Variants in FRAS1 observed in about 807,000 individuals in gnomAD.
FRAS1 encodes Fraser extracellular matrix complex subunit 1.
In FRAS1, 290 loss-of-function variants were observed where a neutral mutation model predicts 435.2. The observed-to-expected ratio is 0.67, with a 90% confidence interval of 0.61 to 0.73. The LOEUF (loss-of-function observed/expected upper bound fraction) is 0.73, where lower values mean the gene tolerates loss of function less well. FRAS1 is among the 30% of genes least tolerant of loss of function. FRAS1 has a pLI of 0.00. For synonymous variants in FRAS1, 1,800 were observed against 1,851.0 expected (o/e 0.97, Z 0.71); for missense variants, 4,860 against 5,001.5 (o/e 0.97, Z 0.85).
intron 2 of FRAS1, 100 bp from the exon 3 acceptor site, chr4:78,237,410 C>A: frequency 1.3e-6 from 1 of 784,444 alleles, no homozygotes; most frequent in South Asian, 1.7e-5. Flanking sequence ...TTTTCTTTGT[C>A]TTGTAATTGT....
Position 78,432,408 on chromosome 4 carries a change from A to G in FRAS1, c.5021A>G (p.His1674Arg). ...GAGAAAAATGCTCTACAGTATATAC[A>G]TGATGGTTCCTCTACCCGGGAAGAC... ...DVEKNALQYI[H>R]DGSSTREDSM... Residue 1674 changes from histidine (H) to arginine (R), a missense_variant, in exon 38 of 74, where the codon CAT (histidine) becomes CGT (arginine). Coordinates refer to ENST00000512123, the MANE Select transcript of FRAS1 (RefSeq NM_025074.7). 5 of 1,611,128 alleles carry G rather than the reference A, an allele frequency of 3.1e-6. No homozygotes were observed. The highest frequency in any genetic ancestry group is 4.2e-6 in the Non-Finnish European group (5 of 1,178,510).
At chr4:78,092,533 A>T (rs1409538019) in intron 2 of FRAS1, among the ~76,000 whole-genome samples, 2 of 152,200 alleles carry the variant, frequency 1.3e-5, no homozygotes, top group East Asian at 3.8e-4. Context: ...CACAGACGCG[A>T]ACAGCATGGG....
intron 14 of FRAS1, among the ~76,000 whole-genome samples, chr4:78,298,457 G>T (rs1274993427): frequency 2.6e-5 from 4 of 152,166 alleles, no homozygotes; most frequent in African/African-American, 9.6e-5. Context: ...TGAAAGCTCA[G>T]CATATTCCTG....
intron 11 of FRAS1, among the ~76,000 whole-genome samples, chr4:78,282,296 G>A (rs1454892): frequency 0.32 from 48,997 of 151,990 alleles, 8,032 homozygotes; most frequent in Admixed American, 0.38. Flanking sequence ...AAAGCTTAGG[G>A]CACATCTACA....
At chr4:78,196,290 A>C (rs1470769217) in intron 2 of FRAS1, among the ~76,000 whole-genome samples, 2 of 152,328 alleles carry the variant, frequency 1.3e-5, no homozygotes, top group East Asian at 3.9e-4. Flanking sequence ...TACAGGTGTG[A>C]TCCACCTTGC....
chr4:78,419,843 C>T (rs775635188), intron 33 of FRAS1, among the ~76,000 whole-genome samples: 6 of 152,058 alleles, frequency 3.9e-5, no homozygotes, highest in East Asian at 1.9e-4. Flanking sequence ...AGGAGGAAAG[C>T]GGGTGGGGGA....
intron 22 of FRAS1, among the ~76,000 whole-genome samples, chr4:78,365,768 C>G (rs1185951906): frequency 6.7e-6 from 1 of 149,048 alleles, no homozygotes; most frequent in Non-Finnish European, 1.5e-5. Flanking sequence ...AAAAAACAGC[C>G]TGACCAACAT....
chr4:78,103,768 C>T (rs1240874150), intron 2 of FRAS1, among the ~76,000 whole-genome samples: 2 of 152,194 alleles, frequency 1.3e-5, no homozygotes, highest in Non-Finnish European at 2.9e-5. Flanking sequence ...AGACACTGAA[C>T]CAGCTGGCAC....
chr4:78,293,920 C>G (rs1728024419), intron 14 of FRAS1, among the ~76,000 whole-genome samples: 1 of 152,172 alleles, frequency 6.6e-6, no homozygotes, highest in African/African-American at 2.4e-5. Flanking sequence ...TATCACATAC[C>G]AGCAGAGAAA....
chr4:78,307,407 T>C (rs1022440400), intron 14 of FRAS1, among the ~76,000 whole-genome samples: 6 of 152,218 alleles, frequency 3.9e-5, no homozygotes, highest in East Asian at 1.9e-4. Flanking sequence ...TGGAGCTTCC[T>C]GGCTGCTTTG....
At chr4:78,409,318 T>G (rs1410076756) in intron 31 of FRAS1, among the ~76,000 whole-genome samples, 2 of 151,982 alleles carry the variant, frequency 1.3e-5, no homozygotes, top group Admixed American at 1.3e-4. Flanking sequence ...AGCAAACACT[T>G]AAGAAATATT....
At chr4:78,373,119 T>C (rs1731581059) in intron 24 of FRAS1, among the ~76,000 whole-genome samples, 1 of 152,166 alleles carries the variant, frequency 6.6e-6, no homozygotes, top group Non-Finnish European at 1.5e-5. Context: ...GTGTTAGCTG[T>C]TACTTTCAGA....
intron 2 of FRAS1, among the ~76,000 whole-genome samples, chr4:78,115,446 A>G (rs1743085099): frequency 6.6e-6 from 1 of 152,124 alleles, no homozygotes; most frequent in Non-Finnish European, 1.5e-5. Context: ...TCGGCTGTGA[A>G]TCCATCTTGT....
chr4:78,392,026 A>G (rs181123439), intron 29 of FRAS1, among the ~76,000 whole-genome samples: 5 of 152,302 alleles, frequency 3.3e-5, no homozygotes, highest in African/African-American at 9.6e-5. Flanking sequence ...TCAGTATCTC[A>G]TAAGGTGCAT....
chr4:78,241,926 T>C lies in FRAS1; in HGVS notation c.217-3307T>C, dbSNP rs371620465. ...AAACAGAGATCCAGGTGTCAAGTCT[T>C]TACTGAGTGAAAGTGAGAGAGTGAT... is the stretch of plus-strand genomic sequence containing the variant. On this transcript the variant is annotated intron_variant, in intron 3 of 73. Transcript: ENST00000512123. Among the ~76,000 whole-genome samples, 4 of 152,262 alleles carry C rather than the reference T, an allele frequency of 2.6e-5. 1 individual carries two copies. The highest frequency in any genetic ancestry group is 9.6e-5 in the African/African-American group (4 of 41,568).
chr4:78,079,102 A>G (rs1350667055), intron 2 of FRAS1, among the ~76,000 whole-genome samples: 2 of 152,224 alleles, frequency 1.3e-5, no homozygotes, highest in Admixed American at 1.3e-4. Flanking sequence ...TGAGAAGAGC[A>G]TGTGGCCATG....
intron 2 of FRAS1, among the ~76,000 whole-genome samples, chr4:78,124,351 G>A (rs1393793689): frequency 6.6e-6 from 1 of 152,200 alleles, no homozygotes; most frequent in Non-Finnish European, 1.5e-5. Context: ...TAAGCTTTTT[G>A]ATGTGCTGCT....
At chr4:78,462,186 C>A (rs1719388857) in intron 47 of FRAS1, among the ~76,000 whole-genome samples, 1 of 152,152 alleles carries the variant, frequency 6.6e-6, no homozygotes, top group African/African-American at 2.4e-5. Context: ...CCTAGCCTGG[C>A]CAACATGGCG....
chr4:78,310,560 A>G (rs1728974506), intron 15 of FRAS1, among the ~76,000 whole-genome samples: 1 of 152,234 alleles, frequency 6.6e-6, no homozygotes, highest in Non-Finnish European at 1.5e-5. Flanking sequence ...ACAAGTAATT[A>G]CTAAACACGT....
Sources: gnomAD v4.1 joint callset for allele counts (sites outside exome capture counted in the v4.1 genomes callset) on GRCh38, gnomAD v4.1.1 for gene constraint, MANE v1.5 for transcripts, NCBI Gene and HGNC (gene_info 2026-07-23, HGNC 2026-07-21) for gene names.